IQCH: variants seen among roughly 807,000 people sequenced by gnomAD.
The protein encoded by IQCH is IQ motif containing H.
IQCH carries 98 observed loss-of-function variants against 117.0 expected under a neutral mutation model. The ratio of observed to expected loss-of-function variants is 0.84; its 90% CI spans 0.71 to 0.99. The LOEUF (loss-of-function observed/expected upper bound fraction) is 0.99, where lower values mean the gene tolerates loss of function less well. IQCH is among the 50% of genes least tolerant of loss of function. The pLI, the probability that IQCH is intolerant of heterozygous loss-of-function variation, is 0.00. For missense variants in IQCH, 1,102 were observed against 1,243.8 expected (o/e 0.89, Z 1.72); for synonymous variants, 412 against 448.2 (o/e 0.92, Z 1.02).
Position 67,359,086 on chromosome 15 carries a change from G to A in IQCH, c.715-761G>A, listed in dbSNP as rs1970028193. Reference sequence around the variant, plus strand: ...TCAGCTGTTTAACAGGCTGTGAGAAGGCCATGGGCTAATATGCATAATAGG... The same window carrying A: ...TCAGCTGTTTAACAGGCTGTGAGAAAGCCATGGGCTAATATGCATAATAGG... On this transcript the variant is annotated intron_variant, in intron 7 of 20. Transcript: ENST00000335894. This position sits in a 1 kb window ranked among gnomAD's most constrained non-coding sequence, Gnocchi z 4.5. Among the ~76,000 whole-genome samples, 1 of 152,190 alleles carries A rather than the reference G, an allele frequency of 6.6e-6. No individual in the cohort carries two copies. The highest frequency in any genetic ancestry group is 1.5e-5 in the Non-Finnish European group (1 of 68,036).
At chr15:67,449,673 C>T (rs1479371572) in intron 16 of IQCH, among the ~76,000 whole-genome samples, 10 of 152,064 alleles carry the variant, frequency 6.6e-5, no homozygotes, top group African/African-American at 1.2e-4. Flanking sequence ...CCTCCAGCTT[C>T]GTTCTTTTGG....
intron 4 of IQCH, among the ~76,000 whole-genome samples, chr15:67,292,947 T>C (rs1966800925): frequency 6.6e-6 from 1 of 152,232 alleles, no homozygotes; most frequent in Admixed American, 6.5e-5. Context: ...CTCTGCTTAG[T>C]TCATTGCTGT....
rs533387211 is a variant in IQCH at position 67,387,262 on chromosome 15, C to G, written c.1457-1569C>G. On this transcript the variant is annotated intron_variant, in intron 11 of 20. Transcript: ENST00000335894. This position sits in a 1 kb window ranked among gnomAD's most constrained non-coding sequence, Gnocchi z 4.8. ...AATATTCACATGTATGGAGCACCTGCTCTGGGCCTAGCTAGGTCACTTCAG... is the reference window on the plus strand; with the variant it reads ...AATATTCACATGTATGGAGCACCTGGTCTGGGCCTAGCTAGGTCACTTCAG... Among the ~76,000 whole-genome samples the G allele has an allele frequency of 2.2e-4, 33 of 152,142 alleles. No homozygotes were observed. Among genetic ancestry groups the G allele is most frequent in the Non-Finnish European group, 4.4e-4 (30 of 68,018 alleles).
chr15:67,313,089 A>G (rs1967679052), intron 4 of IQCH, among the ~76,000 whole-genome samples: 1 of 152,194 alleles, frequency 6.6e-6, no homozygotes, highest in African/African-American at 2.4e-5. Context: ...TCATTAGGCC[A>G]TAAAGTTTGG....
chr15:67,335,961 C>G (rs993712464), intron 4 of IQCH, among the ~76,000 whole-genome samples: 12 of 152,114 alleles, frequency 7.9e-5, no homozygotes, highest in African/African-American at 2.4e-4. Flanking sequence ...CTTGATGAAG[C>G]TTTCCCTTTC....
Position 67,328,064 on chromosome 15 carries a change from T to C in IQCH, c.388-8911T>C, listed in dbSNP as rs148791377. 6.7e-4 allele frequency among the ~76,000 whole-genome samples: 102 copies of C among 152,336 alleles called. 4 individuals carry two copies. The East Asian group carries it at 0.012, about 18-fold the overall frequency. On this transcript the variant is annotated intron_variant, in intron 4 of 20. Transcript: ENST00000335894. The stretch of plus-strand genomic sequence containing the variant: ...ATCTCAACTGTTGAAGTTCCCTTCT[T>C]TCAAGATCAGCTACCCTCTAGCTTC...
Position 67,457,596 on chromosome 15 carries a change from G to C in IQCH, c.2506-7531G>C, listed in dbSNP as rs75133796. Among the ~76,000 whole-genome samples the C allele has an allele frequency of 1.9e-3, 285 of 152,304 alleles. 1 individual carries two copies. The highest frequency in any genetic ancestry group is 6.7e-3 in the African/African-American group (278 of 41,564). ...CAGGACCCAAAACAGATTTATGTCT[G>C]CCAGGCCTCTGTAGTAATAGTCTCA... On this transcript the variant is annotated intron_variant, in intron 16 of 20. Coordinates refer to ENST00000335894, the MANE Select transcript of IQCH (RefSeq NM_001031715.3). This position sits in a 1 kb window ranked among gnomAD's most constrained non-coding sequence, Gnocchi z 5.7.
Position 67,426,321 on chromosome 15 carries a change from C to T in IQCH, c.2505+4744C>T, listed in dbSNP as rs1284332468. Among the ~76,000 whole-genome samples, 1 of 152,182 alleles carries T rather than the reference C, an allele frequency of 6.6e-6. No individual in the cohort carries two copies. The highest frequency in any genetic ancestry group is 1.5e-5 in the Non-Finnish European group (1 of 68,026). On this transcript the variant is annotated intron_variant, in intron 16 of 20. Transcript: ENST00000335894. The surrounding 1 kb of genome is among the most constrained non-coding windows in gnomAD (Gnocchi z 5.1). Reference sequence around the variant, plus strand: ...TGTGCATCTATAACTATTTCTATATCTATCAAGTGTTTATATTATAAAACC... The same window carrying T: ...TGTGCATCTATAACTATTTCTATATTTATCAAGTGTTTATATTATAAAACC...
intron 4 of IQCH, among the ~76,000 whole-genome samples, chr15:67,288,845 A>G (rs547981636): frequency 6.6e-5 from 10 of 152,278 alleles, no homozygotes; most frequent in African/African-American, 2.4e-4. Context: ...CATCTGAGAC[A>G]GAAAGAAGCA....
Position 67,290,533 on chromosome 15 carries a change from CTGGCAAGATTCT to C in IQCH, c.387+11035_387+11046del, listed in dbSNP as rs1353718832. 4.6e-5 allele frequency among the ~76,000 whole-genome samples: 7 copies of C among 152,004 alleles called. No homozygotes were observed. The South Asian group carries it at 8.3e-4, about 18-fold the overall frequency. ...CACAGCTTACTCCTGTGGGTAGTGA[CTGGCAAGATTCT>C]TGGCAAGATTCTTTTGACATCACAT... On this transcript the variant is annotated intron_variant, in intron 4 of 20. Transcript: ENST00000335894.
chr15:67,372,330 G>A lies in IQCH; in HGVS notation c.973G>A (p.Val325Met). The stretch of plus-strand genomic sequence containing the variant: ...AGTCAAAATAAAAGGGAATAATTTG[G>A]TGGCCCTCCTTCCAGAGTTTGAGCT... Reference protein sequence around the residue: ...PEVKIKGNNLVALLPEFELTN... With the variant: ...PEVKIKGNNLMALLPEFELTN... The change falls in exon 9 of 21, where the codon GTG becomes ATG. Residue 325 changes from valine to methionine, a missense_variant. Around this residue, in one of 2 missense-constraint regions of IQCH, gnomAD observed 452 missense variants for 449.6 expected, o/e 1.01. Transcript: ENST00000335894. 1 of 1,613,994 alleles carries A rather than the reference G, an allele frequency of 6.2e-7. No individual in the cohort carries two copies.
intron 1 of IQCH, among the ~76,000 whole-genome samples, chr15:67,260,464 T>C (rs1391076800): frequency 6.6e-6 from 1 of 152,230 alleles, no homozygotes; most frequent in Non-Finnish European, 1.5e-5. Flanking sequence ...CCAAACTCCT[T>C]CTTCAGAGCA....
intron 16 of IQCH, among the ~76,000 whole-genome samples, chr15:67,448,328 CTCA>C (rs1475097432): frequency 6.6e-6 from 1 of 151,356 alleles, no homozygotes; most frequent in Non-Finnish European, 1.5e-5. Flanking sequence ...CACCCATTAA[CTCA>C]TCATTTAGCA....
At chr15:67,375,571 G>T (rs1970708126) in intron 10 of IQCH, among the ~76,000 whole-genome samples, 3 of 152,032 alleles carry the variant, frequency 2.0e-5, no homozygotes, top group African/African-American at 7.2e-5. Context: ...TAATAAATAT[G>T]AAAGTCTTCC....
At chr15:67,346,467 C>G (rs1001943274) in intron 6 of IQCH, among the ~76,000 whole-genome samples, 3 of 152,170 alleles carry the variant, frequency 2.0e-5, no homozygotes, top group Non-Finnish European at 4.4e-5. Flanking sequence ...ATTCGATTCT[C>G]ATAAGGAGCA....
chr15:67,485,781 C>A (rs1017000401), intron 18 of IQCH, among the ~76,000 whole-genome samples: 1 of 152,082 alleles, frequency 6.6e-6, no homozygotes, highest in South Asian at 2.1e-4. Flanking sequence ...GCCTCAGCTT[C>A]CTGAGTAGCT....
intron 6 of IQCH, among the ~76,000 whole-genome samples, chr15:67,352,677 A>C (rs558432223): frequency 4.2e-4 from 64 of 151,992 alleles, no homozygotes; most frequent in Non-Finnish European, 6.5e-4. Context: ...AAAATTGTGG[A>C]TGAAAACAAT....
chr15:67,489,394 C>T (rs535503078), intron 18 of IQCH, among the ~76,000 whole-genome samples: 5 of 152,108 alleles, frequency 3.3e-5, no homozygotes, highest in Non-Finnish European at 5.9e-5. Flanking sequence ...GGCGTGACCT[C>T]GGCTCACTGA....
chr15:67,256,046 A>G (rs1164665835), intron 1 of IQCH, among the ~76,000 whole-genome samples: 3 of 152,170 alleles, frequency 2.0e-5, no homozygotes, highest in Non-Finnish European at 4.4e-5. Context: ...CCAGCTGGGT[A>G]CAAACTTAGG....
Sources: allele counts gnomAD v4.1 joint callset (sites outside exome capture counted in the v4.1 genomes callset), GRCh38; gene constraint gnomAD v4.1.1; regional missense constraint gnomAD v4.1.1; non-coding constraint Gnocchi (gnomAD v3.1); transcripts MANE v1.5; gene names NCBI Gene and HGNC (gene_info 2026-07-23, HGNC 2026-07-21).